Variants in SOX6 observed in about 807,000 individuals in gnomAD.
SOX6 encodes the protein SRY-box transcription factor 6, also known as transcription factor SOX-6.
Under a neutral mutation model 97.8 loss-of-function variants are expected in SOX6, and 11 were observed. The observed-to-expected ratio is 0.11, with a 90% confidence interval of 0.07 to 0.19. SOX6 has a LOEUF of 0.19. SOX6 is among the 10% of genes least tolerant of loss of function. The probability of loss-of-function intolerance (pLI) is 1.00; values close to 1 mark genes in which losing one functional copy is unlikely to be tolerated. For synonymous variants in SOX6, 360 were observed against 371.4 expected, an observed-to-expected ratio of 0.97 and a Z score of 0.35; for missense variants, 810 against 1,039.5, an observed-to-expected ratio of 0.78 and a Z score of 3.04.
intron 3 of SOX6, among the ~76,000 whole-genome samples, chr11:16,621,944 C>T (rs1169021196): frequency 6.6e-6 from 1 of 152,056 alleles, no homozygotes; most frequent in African/African-American, 2.4e-5. Context: ...TTTGCTCAGG[C>T]CTGATTTCTT....
At chr11:16,671,784 T>C (rs1444238177) in intron 3 of SOX6, among the ~76,000 whole-genome samples, 1 of 152,200 alleles carries the variant, frequency 6.6e-6, no homozygotes, top group Non-Finnish European at 1.5e-5. Flanking sequence ...CAGTCAGATG[T>C]AGGAAATACA....
At chr11:16,047,767 C>G (rs892360497) in intron 11 of SOX6, among the ~76,000 whole-genome samples, 26 of 150,030 alleles carry the variant, frequency 1.7e-4, no homozygotes, top group Non-Finnish European at 3.2e-4. Flanking sequence ...ATAGGCAGGA[C>G]AGAAGAAATG....
At chr11:16,101,514 A>G (rs974256608) in intron 7 of SOX6, among the ~76,000 whole-genome samples, 2 of 151,668 alleles carry the variant, frequency 1.3e-5, no homozygotes, top group Admixed American at 1.3e-4. Context: ...TACCTTTAAG[A>G]AAGCTAAGAA....
At chr11:16,390,156 T>C (rs977804330) in intron 1 of SOX6, among the ~76,000 whole-genome samples, 5 of 152,092 alleles carry the variant, frequency 3.3e-5, no homozygotes, top group African/African-American at 9.6e-5. Context: ...AATATAGAAG[T>C]TGGGGTTCCC....
intron 6 of SOX6, among the ~76,000 whole-genome samples, chr11:16,180,461 AT>A (rs1851318369): frequency 6.6e-6 from 1 of 151,710 alleles, no homozygotes; most frequent in African/African-American, 2.4e-5. Context: ...TTGGTAAAAA[AT>A]ATGCTATTTC....
At chr11:16,592,747 C>T (rs1391663386) in intron 4 of SOX6, among the ~76,000 whole-genome samples, 16 of 151,984 alleles carry the variant, frequency 1.1e-4, no homozygotes, top group African/African-American at 3.6e-4. Flanking sequence ...AGCACATATA[C>T]AAATCAAAAA....
intron 1 of SOX6, among the ~76,000 whole-genome samples, chr11:16,432,233 C>T (rs896684036): frequency 1.9e-4 from 29 of 152,132 alleles, no homozygotes; most frequent in African/African-American, 6.7e-4. Flanking sequence ...CAAATATCTG[C>T]GCCCCACTGA....
chr11:15,976,075 G>GT (rs1214875177), intron 15 of SOX6, among the ~76,000 whole-genome samples: 1 of 152,160 alleles, frequency 6.6e-6, no homozygotes, highest in African/African-American at 2.4e-5. Context: ...GCCAGTGAGG[G>GT]TAAAAACCCA....
intron 4 of SOX6, among the ~76,000 whole-genome samples, chr11:16,188,738 G>A (rs1851549745): frequency 6.6e-6 from 1 of 152,094 alleles, no homozygotes; most frequent in Admixed American, 6.6e-5. Context: ...AGCAGACACA[G>A]TCCCTATTCT....
chr11:16,044,174 C>T (rs1357661387), intron 12 of SOX6, among the ~76,000 whole-genome samples: 1 of 152,162 alleles, frequency 6.6e-6, no homozygotes. Context: ...TGCTGATCTT[C>T]ATCTCATGAC....
chr11:16,667,981 C>T (rs1847819583), intron 3 of SOX6, among the ~76,000 whole-genome samples: 1 of 152,166 alleles, frequency 6.6e-6, no homozygotes, highest in African/African-American at 2.4e-5. Flanking sequence ...TTTCTCTTTG[C>T]TTGTTTGTTT....
intron 6 of SOX6, among the ~76,000 whole-genome samples, chr11:16,148,070 T>A (rs939517137): frequency 6.6e-6 from 1 of 152,162 alleles, no homozygotes; most frequent in Non-Finnish European, 1.5e-5. Context: ...TTTATAGCCA[T>A]TGAAATGTAG....
At chr11:16,553,294 T>C (rs1847710465) in intron 4 of SOX6, among the ~76,000 whole-genome samples, 1 of 152,192 alleles carries the variant, frequency 6.6e-6, no homozygotes, top group Non-Finnish European at 1.5e-5. Flanking sequence ...GCACCCAAAG[T>C]CAGCTAAGTA....
intron 9 of SOX6, among the ~76,000 whole-genome samples, chr11:16,086,878 T>C (rs1032211558): frequency 6.6e-5 from 10 of 152,248 alleles, no homozygotes; most frequent in Non-Finnish European, 1.3e-4. Context: ...AATGTCATAC[T>C]GACTTTGAAA....
chr11:15,987,056 T>C (rs1853869642), intron 14 of SOX6, among the ~76,000 whole-genome samples: 1 of 152,228 alleles, frequency 6.6e-6, no homozygotes, highest in Non-Finnish European at 1.5e-5. Flanking sequence ...CCAATAAAAG[T>C]ACAAAAATTT....
chr11:16,467,544 C>T (rs1288770843), intron 1 of SOX6, among the ~76,000 whole-genome samples: 1 of 152,100 alleles, frequency 6.6e-6, no homozygotes, highest in Non-Finnish European at 1.5e-5. Flanking sequence ...AACAGAAAAC[C>T]AAATACCACA....
At chr11:15,984,356 C>T (rs1467687362) in intron 15 of SOX6, among the ~76,000 whole-genome samples, 2 of 152,068 alleles carry the variant, frequency 1.3e-5, no homozygotes, top group African/African-American at 4.8e-5. Flanking sequence ...CTTTAGTAGC[C>T]TTCCAGACTG....
chr11:16,599,916 C>G (rs1848249883), intron 4 of SOX6, among the ~76,000 whole-genome samples: 1 of 152,206 alleles, frequency 6.6e-6, no homozygotes, highest in East Asian at 1.9e-4. Flanking sequence ...AGCCATCATT[C>G]TGGTAAAAAG....
At chr11:16,497,067 C>G (rs1452891316) in intron 4 of SOX6, among the ~76,000 whole-genome samples, 2 of 152,322 alleles carry the variant, frequency 1.3e-5, no homozygotes, top group African/African-American at 4.8e-5. Flanking sequence ...GAGGCACCCC[C>G]AGTAGGGGCA....
Sources: allele counts gnomAD v4.1 joint callset (sites outside exome capture counted in the v4.1 genomes callset), GRCh38; gene constraint gnomAD v4.1.1; transcripts MANE v1.5; gene names NCBI Gene and HGNC (gene_info 2026-07-23, HGNC 2026-07-21).